Variants in CDC42SE2 observed in about 807,000 individuals in gnomAD.
CDC42SE2 encodes the protein CDC42 small effector 2, also known as CDC42 small effector protein 2.
A neutral mutation model predicts 11.5 loss-of-function variants in CDC42SE2; 3 were observed. The observed-to-expected ratio is 0.26, with a 90% CI of 0.12 to 0.67. The LOEUF (loss-of-function observed/expected upper bound fraction) is 0.67, where lower values mean the gene tolerates loss of function less well. CDC42SE2 is among the 30% of genes least tolerant of loss of function. The probability of loss-of-function intolerance (pLI) is 0.80; values close to 1 mark genes in which losing one functional copy is unlikely to be tolerated. For synonymous variants in CDC42SE2, 33 were observed against 34.8 expected, an observed-to-expected ratio of 0.95 and a Z score of 0.18; for missense variants, 82 against 106.8, an observed-to-expected ratio of 0.77 and a Z score of 1.02.
chr5:131,296,379 C>T (rs1464652617), intron 1 of CDC42SE2, among the ~76,000 whole-genome samples: 1 of 152,168 alleles, frequency 6.6e-6, no homozygotes, highest in East Asian at 1.9e-4. Flanking sequence ...TGGCTTAAGA[C>T]AACAGAAATG....
At chr5:131,245,998 A>G (rs1303654754) in intron 1 of CDC42SE2, among the ~76,000 whole-genome samples, 1 of 152,244 alleles carries the variant, frequency 6.6e-6, no homozygotes, top group Admixed American at 6.5e-5. Context: ...AAGAACTCAC[A>G]GGGGTTATAT....
intron 1 of CDC42SE2, among the ~76,000 whole-genome samples, chr5:131,313,233 C>T (rs531464660): frequency 2.1e-3 from 327 of 152,200 alleles, no homozygotes; most frequent in Middle Eastern, 0.014. Context: ...CTGCCTGCCT[C>T]GGCCTCCCAA....
At chr5:131,293,489 T>C (rs1757505349) in intron 1 of CDC42SE2, among the ~76,000 whole-genome samples, 1 of 151,410 alleles carries the variant, frequency 6.6e-6, no homozygotes, top group South Asian at 2.1e-4. Context: ...GGAGAATCGC[T>C]TGAACCCGGG....
the CDC42SE2 span, among the ~76,000 whole-genome samples, chr5:131,213,256 GA>G: frequency 6.6e-6 from 1 of 152,060 alleles, no homozygotes; most frequent in Non-Finnish European, 1.5e-5. Context: ...GAAAAGGGGG[GA>G]AAGCTCTTTT....
At chr5:131,226,238 AC>A in the CDC42SE2 span, among the ~76,000 whole-genome samples, 5 of 152,338 alleles carry the variant, frequency 3.3e-5, no homozygotes, top group South Asian at 8.3e-4. Context: ...AATTAGGTGG[AC>A]AGTCTACTGA....
intron 1 of CDC42SE2, among the ~76,000 whole-genome samples, chr5:131,265,847 T>C (rs1313122517): frequency 1.1e-4 from 16 of 152,218 alleles, no homozygotes; most frequent in Non-Finnish European, 2.9e-5. Flanking sequence ...ATTAGGAGAC[T>C]TTGGTACAGT....
intron 2 of CDC42SE2, among the ~76,000 whole-genome samples, chr5:131,342,868 A>G (rs1417172764): frequency 6.6e-6 from 1 of 151,302 alleles, no homozygotes; most frequent in Admixed American, 6.6e-5. Flanking sequence ...ATGTGCCGCC[A>G]CACCTGGCGA....
intron 2 of CDC42SE2, chr5:131,354,761 C>T (rs1749482312): frequency 6.6e-6 from 1 of 152,016 alleles, no homozygotes; most frequent in South Asian, 2.1e-4. Context: ...CATCTTATAT[C>T]AATACAAGGT....
At chr5:131,339,998 A>G (rs1758674545) in intron 2 of CDC42SE2, among the ~76,000 whole-genome samples, 1 of 152,162 alleles carries the variant, frequency 6.6e-6, no homozygotes, top group African/African-American at 2.4e-5. Context: ...ACCTATCACA[A>G]AAAAAGAATT....
At chr5:131,250,653 A>T (rs1756632056) in intron 1 of CDC42SE2, among the ~76,000 whole-genome samples, 1 of 152,150 alleles carries the variant, frequency 6.6e-6, no homozygotes, top group Non-Finnish European at 1.5e-5. Context: ...ACCATTCTGG[A>T]TGATACTATG....
intron 2 of CDC42SE2, among the ~76,000 whole-genome samples, chr5:131,352,478 G>A (rs777964263): frequency 6.6e-6 from 1 of 152,078 alleles, no homozygotes. Context: ...GAAACTATAG[G>A]AAAGTCTAAT....
At chr5:131,218,174 CAAA>C in the CDC42SE2 span, among the ~76,000 whole-genome samples, 13,111 of 74,448 alleles carry the variant, frequency 0.18, 516 homozygotes, top group Non-Finnish European at 0.25. Context: ...GACCCTGTCT[CAAA>C]AAAAAAAAAA....
At chr5:131,371,233 GT>G (rs1051833896) in intron 3 of CDC42SE2, among the ~76,000 whole-genome samples, 2 of 151,992 alleles carry the variant, frequency 1.3e-5, no homozygotes, top group African/African-American at 4.8e-5. Context: ...AAACCATTCA[GT>G]TTTCATCCTC....
intron 1 of CDC42SE2, among the ~76,000 whole-genome samples, chr5:131,247,522 G>A (rs1195845924): frequency 6.6e-6 from 1 of 152,008 alleles, no homozygotes; most frequent in Non-Finnish European, 1.5e-5. Flanking sequence ...GGGAGGCTGA[G>A]GCAAGAGAAT....
Position 131,330,135 on chromosome 5 carries a change from G to A in CDC42SE2, c.-286+13991G>A, listed in dbSNP as rs77080701. Among the ~76,000 whole-genome samples, 336 of 152,156 alleles carry A rather than the reference G, an allele frequency of 2.2e-3. 1 individual carries two copies. Among genetic ancestry groups the A allele is most frequent in the Non-Finnish European group, 3.6e-3 (248 of 68,004 alleles). ...GGATTCTAAGCAGCTTTATTTACAC[G>A]TCCGGTGATTTGGCTAGGAAGGCTG... On this transcript the variant is annotated intron_variant, in intron 2 of 4. Transcript: ENST00000505065.
chr5:131,342,388 CT>C lies in CDC42SE2; in HGVS notation c.-285-16802del, dbSNP rs35818778. On this transcript the variant is annotated intron_variant, in intron 2 of 4. Coordinates refer to ENST00000505065, the MANE Select transcript of CDC42SE2 (RefSeq NM_001375635.1). Reference sequence around the variant, plus strand: ...TCAGAGATTTGCCATTTTTAATAGTCTTTTTTTTTTTTTTTTTTTAAGATAG... The same window carrying C: ...TCAGAGATTTGCCATTTTTAATAGTCTTTTTTTTTTTTTTTTTTAAGATAG... 5.0e-3 allele frequency among the ~76,000 whole-genome samples: 552 copies of C among 111,300 alleles called. 9 individuals carry two copies. The highest frequency in any genetic ancestry group is 8.3e-3 in the African/African-American group (188 of 22,570). 73.0% of individuals were successfully genotyped at this position (111,300 alleles called of 152,430 possible). A position where few individuals can be genotyped will look rare whatever the true frequency, so the allele number is the denominator to read the frequency against.
intron 3 of CDC42SE2, among the ~76,000 whole-genome samples, chr5:131,384,581 C>T (rs1197445274): frequency 6.6e-6 from 1 of 152,108 alleles, no homozygotes; most frequent in African/African-American, 2.4e-5. Flanking sequence ...ATAACATTAT[C>T]ATATCTAAGG....
intron 1 of CDC42SE2, among the ~76,000 whole-genome samples, chr5:131,306,181 A>G (rs1016640715): frequency 6.6e-6 from 1 of 152,184 alleles, no homozygotes; most frequent in Non-Finnish European, 1.5e-5. Context: ...CTGCCTGGGA[A>G]ATCATCCTTT....
chr5:131,308,028 T>C (rs1757816481), intron 1 of CDC42SE2, among the ~76,000 whole-genome samples: 4 of 152,214 alleles, frequency 2.6e-5, no homozygotes, highest in African/African-American at 7.2e-5. Flanking sequence ...GCCTGTTCAC[T>C]CTGATGGTAG....
Sources: allele counts gnomAD v4.1 joint callset (sites outside exome capture counted in the v4.1 genomes callset), GRCh38; gene constraint gnomAD v4.1.1; transcripts MANE v1.5; gene names NCBI Gene and HGNC (gene_info 2026-07-23, HGNC 2026-07-21).